TMTC1: variants seen among roughly 807,000 people sequenced by gnomAD.
TMTC1 encodes the protein transmembrane O-mannosyltransferase targeting cadherins 1.
In TMTC1, 73 loss-of-function variants were observed where a neutral mutation model predicts 104.8. That is an observed-to-expected ratio of 0.70 (90% confidence interval 0.58 to 0.85). The LOEUF (loss-of-function observed/expected upper bound fraction) is 0.85, where lower values mean the gene tolerates loss of function less well. Among genes scored for constraint, TMTC1 ranks in the 40% least tolerant of loss-of-function variants. The pLI is 0.00. For synonymous variants in TMTC1, 434 were observed against 428.7 expected (o/e 1.01, Z -0.15); for missense variants, 1,035 against 1,096.1 (o/e 0.94, Z 0.79).
rs529856181 is a variant in TMTC1 at position 29,575,938 on chromosome 12, G to A, written c.1419-3720C>T. 7.6e-4 allele frequency among the ~76,000 whole-genome samples: 115 copies of A among 152,194 alleles called. 2 individuals carry two copies. In the South Asian group the frequency reaches 0.018, roughly 24 times the overall value. On this transcript the variant is annotated intron_variant, in intron 8 of 17. Coordinates refer to ENST00000539277, the MANE Select transcript of TMTC1 (RefSeq NM_001193451.2). ...TCTTGTGTTTATGACAATAGCCGTC[G>A]TAACAGTTGTGGGGTAATACGTCAT...
Position 29,671,971 on chromosome 12 carries a change from T to C in TMTC1, c.939-38635A>G, listed in dbSNP as rs76319765. 7.1e-3 allele frequency among the ~76,000 whole-genome samples: 1,087 copies of C among 152,254 alleles called. 12 individuals carry two copies. Among genetic ancestry groups the C allele is most frequent in the African/African-American group, 0.024 (1,004 of 41,524 alleles). ...GCCTGCTCCGAAGCAATGACAGCTC[T>C]CTGCACATACAGTATAGGCAGCCCT... On this transcript the variant is annotated intron_variant, in intron 5 of 17. Transcript: ENST00000539277.
At chr12:29,692,233 C>T (rs1185485333) in intron 5 of TMTC1, among the ~76,000 whole-genome samples, 1 of 145,452 alleles carries the variant, frequency 6.9e-6, no homozygotes, top group African/African-American at 2.5e-5. Context: ...AATCATACCA[C>T]TTTATTCTCA....
chr12:29,678,030 G>A (rs568599342), intron 5 of TMTC1, among the ~76,000 whole-genome samples: 2 of 152,230 alleles, frequency 1.3e-5, no homozygotes, highest in African/African-American at 2.4e-5. Context: ...TTCTTGATAC[G>A]TATCCCCCAC....
At chr12:29,560,745 T>G (rs528291807) in intron 9 of TMTC1, among the ~76,000 whole-genome samples, 3 of 152,192 alleles carry the variant, frequency 2.0e-5, no homozygotes, top group Non-Finnish European at 4.4e-5. Context: ...GGTTCTTAAT[T>G]TTTAGCTAGT....
chr12:29,739,347 C>T (rs1246271991), intron 5 of TMTC1, among the ~76,000 whole-genome samples: 1 of 152,100 alleles, frequency 6.6e-6, no homozygotes. Flanking sequence ...CAGTTGCACA[C>T]CTCTGTGTCT....
intron 1 of TMTC1, among the ~76,000 whole-genome samples, chr12:29,777,695 T>C (rs1280711476): frequency 6.6e-6 from 1 of 152,186 alleles, no homozygotes; most frequent in Non-Finnish European, 1.5e-5. Context: ...TGGCATAAAA[T>C]TTTCAAAGGC....
chr12:29,643,598 T>C (rs549541416), intron 5 of TMTC1, among the ~76,000 whole-genome samples: 2 of 30,394 alleles, frequency 6.6e-5, no homozygotes, highest in African/African-American at 3.0e-4. Context: ...AAATATATAT[T>C]ATATATTATA....
intron 5 of TMTC1, among the ~76,000 whole-genome samples, chr12:29,687,168 C>T (rs935798512): frequency 2.6e-5 from 4 of 152,112 alleles, no homozygotes; most frequent in African/African-American, 4.8e-5. Flanking sequence ...CATATTTCCA[C>T]AATATACTTA....
intron 6 of TMTC1, among the ~76,000 whole-genome samples, chr12:29,612,417 A>AT (rs1230793606): frequency 4.0e-5 from 6 of 151,668 alleles, no homozygotes; most frequent in Admixed American, 6.6e-5. Context: ...TTAAAAAAAA[A>AT]TTTTTTTTTG....
intron 1 of TMTC1, among the ~76,000 whole-genome samples, chr12:29,774,817 T>C (rs1943671357): frequency 6.6e-6 from 1 of 152,234 alleles, no homozygotes; most frequent in Non-Finnish European, 1.5e-5. Flanking sequence ...TATTGCTTAA[T>C]GTATCTGAAG....
At chr12:29,574,120 G>A (rs1187336388) in intron 8 of TMTC1, among the ~76,000 whole-genome samples, 2 of 152,136 alleles carry the variant, frequency 1.3e-5, no homozygotes, top group Admixed American at 6.5e-5. Context: ...AAGCAGAGGT[G>A]GCAGGTGGCA....
chr12:29,744,734 C>G (rs761829264), intron 5 of TMTC1, among the ~76,000 whole-genome samples: 1 of 152,266 alleles, frequency 6.6e-6, no homozygotes, highest in South Asian at 2.1e-4. Context: ...AAAGAAAACA[C>G]TTTTCTGGCA....
chr12:29,666,233 T>TC, intron 5 of TMTC1: 1 of 411,798 alleles, frequency 2.4e-6, no homozygotes, highest in South Asian at 1.8e-5. Flanking sequence ...TTTTTCTTTT[T>TC]TTTTTTTTTT....
chr12:29,556,330 T>C (rs1306341607), intron 10 of TMTC1, among the ~76,000 whole-genome samples: 1 of 152,226 alleles, frequency 6.6e-6, no homozygotes, highest in Non-Finnish European at 1.5e-5. Flanking sequence ...CACCACTTTA[T>C]TTCTCACCTA....
intron 6 of TMTC1, among the ~76,000 whole-genome samples, chr12:29,624,021 C>T (rs1181263662): frequency 6.6e-6 from 1 of 151,818 alleles, no homozygotes; most frequent in African/African-American, 2.4e-5. Context: ...TCTCTGTTGC[C>T]CTGGCTGGAG....
chr12:29,766,908 T>C (rs1943477040), intron 2 of TMTC1, among the ~76,000 whole-genome samples: 1 of 151,888 alleles, frequency 6.6e-6, no homozygotes. Context: ...ATCTGATTCA[T>C]GGAATGATTA....
At chr12:29,621,408 C>T (rs1937664246) in intron 6 of TMTC1, among the ~76,000 whole-genome samples, 1 of 152,100 alleles carries the variant, frequency 6.6e-6, no homozygotes. Context: ...AATGTTGTAC[C>T]CCAGGGAATG....
chr12:29,753,737 G>A (rs530136004), intron 4 of TMTC1, among the ~76,000 whole-genome samples: 10 of 152,292 alleles, frequency 6.6e-5, no homozygotes, highest in South Asian at 6.2e-4. Flanking sequence ...TGCTCTTTGC[G>A]GGAAGGAACC....
chr12:29,677,501 A>T (rs998493184), intron 5 of TMTC1, among the ~76,000 whole-genome samples: 4 of 152,242 alleles, frequency 2.6e-5, no homozygotes, highest in African/African-American at 9.6e-5. Flanking sequence ...ACAAAAGACA[A>T]CTATTCCATC....
Sources: gnomAD v4.1 joint callset for allele counts (sites outside exome capture counted in the v4.1 genomes callset) on GRCh38, gnomAD v4.1.1 for gene constraint, MANE v1.5 for transcripts, NCBI Gene and HGNC (gene_info 2026-07-23, HGNC 2026-07-21) for gene names.